The following ZFP64 variants were observed in gnomAD, a reference collection of about 807,000 sequenced individuals.
ZFP64 encodes the protein ZFP64 zinc finger protein, also known as zinc finger protein 64.
Under a neutral mutation model 51.6 loss-of-function variants are expected in ZFP64, and 14 were observed. The observed-to-expected ratio is 0.27, with a 90% CI of 0.18 to 0.42. The LOEUF (loss-of-function observed/expected upper bound fraction) is 0.42. ZFP64 is among the 10% of genes least tolerant of loss of function. ZFP64 has a pLI of 1.00. For missense variants in ZFP64, 754 were observed against 906.8 expected (o/e 0.83, Z 2.16); for synonymous variants, 375 against 361.4 (o/e 1.04, Z -0.43).
chr20:52,165,703 T>C (rs1982203036), intron 3 of ZFP64, 161 bp downstream of exon 3: 1 of 913,058 alleles, frequency 1.1e-6, no homozygotes, highest in East Asian at 2.6e-5. Context: ...CAGTGGGAGA[T>C]AGGTTGTATG....
chr20:52,189,721 G>A lies in ZFP64; in HGVS notation c.46+1870C>T, dbSNP rs566933081. ...ACTCCCGACCTCATGTGATCCGCCC[G>A]CCTCAGCCTCCCAAAGTGCTAGGAT... On this transcript the variant is annotated intron_variant, in intron 1 of 5. Coordinates refer to ENST00000216923, the MANE Select transcript of ZFP64 (RefSeq NM_018197.3). Among the ~76,000 whole-genome samples the A allele has an allele frequency of 1.8e-4, 28 of 151,994 alleles. 1 individual carries two copies. The highest frequency in any genetic ancestry group is 3.2e-4 in the Non-Finnish European group (22 of 68,006).
chr20:52,097,745 C>T (rs949359490), intron 6 of ZFP64, among the ~76,000 whole-genome samples: 1 of 152,114 alleles, frequency 6.6e-6, no homozygotes, highest in Non-Finnish European at 1.5e-5. Context: ...CAGGTGTGAG[C>T]CACCATGCCT....
At chr20:52,149,359 A>G (rs1980679306), downstream of ZFP64, among the ~76,000 whole-genome samples, 1 of 152,024 alleles carries the variant, frequency 6.6e-6, no homozygotes, top group East Asian at 1.9e-4. Flanking sequence ...CTGAAGAATC[A>G]TAATAGCAAG....
intron 5 of ZFP64, among the ~76,000 whole-genome samples, chr20:52,140,581 A>C (rs1371487499): frequency 6.6e-6 from 1 of 152,206 alleles, no homozygotes; most frequent in Non-Finnish European, 1.5e-5. Flanking sequence ...GAGAGAAGTG[A>C]GGAAGCTGCA....
chr20:52,105,043 C>G, intron 5 of ZFP64: 3 of 1,375,128 alleles, frequency 2.2e-6, no homozygotes, highest in Non-Finnish European at 1.9e-6. Context: ...TTTCAGGTCC[C>G]CTGCCCGGTC....
chr20:52,188,818 CA>C (rs1016091903), intron 1 of ZFP64, among the ~76,000 whole-genome samples: 1 of 150,378 alleles, frequency 6.6e-6, no homozygotes, highest in African/African-American at 2.4e-5. Flanking sequence ...TAAAAATAAA[CA>C]AAAAAAATTA....
Position 52,152,118 on chromosome 20 carries a change from TC to T in ZFP64, c.*27del. ...TAAGATTTCTTTTTCTCAATTCCTTTCCCCCACTCCTTTTGTTTTTTTAAGC... is the reference window on the plus strand; with the variant it reads ...TAAGATTTCTTTTTCTCAATTCCTTTCCCCACTCCTTTTGTTTTTTTAAGC... On this transcript the variant is annotated 3_prime_UTR_variant, in exon 6 of 6. Transcript: ENST00000216923. 2.5e-6 allele frequency: 4 copies of T among 1,575,206 alleles called. No homozygotes were observed. Among genetic ancestry groups the T allele is most frequent in the Non-Finnish European group, 3.5e-6 (4 of 1,158,914 alleles).
In ZFP64 at chr20:52,191,324, G is replaced by T. The variant is rs1984350094; in HGVS notation, c.46+267C>A. On this transcript the variant is annotated intron_variant, in intron 1 of 5. Transcript: ENST00000216923. The surrounding 1 kb of genome is among the most constrained non-coding windows in gnomAD (Gnocchi z 4.3). ...GGGGTGGCGATTGTCTGAACGGCGT[G>T]CCCTCCCCCACTGTTCCCTTCCAAG... is the stretch of plus-strand genomic sequence containing the variant. Among the ~76,000 whole-genome samples, 2 of 152,150 alleles carry T rather than the reference G, an allele frequency of 1.3e-5. No individual in the cohort carries two copies.
intron 2 of ZFP64, among the ~76,000 whole-genome samples, chr20:52,177,650 T>C (rs1983327063): frequency 6.6e-6 from 1 of 151,286 alleles, no homozygotes; most frequent in Non-Finnish European, 1.5e-5. Flanking sequence ...CTCCGCACCT[T>C]TGAGCTGCCG....
chr20:52,165,636 A>G (rs1982196516), intron 3 of ZFP64: 2 of 703,732 alleles, frequency 2.8e-6, no homozygotes, highest in South Asian at 1.5e-5. Flanking sequence ...CACGAGTTCC[A>G]CTTCAAAGGC....
At chr20:52,145,202 T>G (rs755825809) in intron 5 of ZFP64, among the ~76,000 whole-genome samples, 4 of 152,226 alleles carry the variant, frequency 2.6e-5, no homozygotes, top group Non-Finnish European at 5.9e-5. Flanking sequence ...GTGTATACAG[T>G]CGTTGCCACT....
At chr20:52,103,174 G>A (rs550143176) in intron 5 of ZFP64, among the ~76,000 whole-genome samples, 3 of 152,314 alleles carry the variant, frequency 2.0e-5, no homozygotes, top group East Asian at 1.9e-4. Flanking sequence ...AGGTTAGCAT[G>A]GCGAGGGTTT....
intron 2 of ZFP64, among the ~76,000 whole-genome samples, chr20:52,167,401 T>G (rs1168367212): frequency 1.4e-5 from 2 of 138,618 alleles, no homozygotes; most frequent in African/African-American, 5.4e-5. Flanking sequence ...AGTCTCAAAT[T>G]TTTTTGTTGT....
At chr20:52,146,584 T>A (rs1467384977), downstream of ZFP64, among the ~76,000 whole-genome samples, 2 of 67,884 alleles carry the variant, frequency 2.9e-5, no homozygotes, top group African/African-American at 6.0e-5. Context: ...TGTTGTGGGG[T>A]GGGGGGAGGG....
chr20:52,170,805 G>T (rs942966046), intron 2 of ZFP64, among the ~76,000 whole-genome samples: 1 of 152,238 alleles, frequency 6.6e-6, no homozygotes, highest in African/African-American at 2.4e-5. Context: ...ACTAGAAACA[G>T]AGCAGTGACT....
chr20:52,186,897 G>GT lies in ZFP64; in HGVS notation c.220dup (p.Thr74AsnfsTer31). The GT allele has an allele frequency of 6.2e-7, 1 of 1,613,996 alleles. No individual in the cohort carries two copies. Among genetic ancestry groups the GT allele is most frequent in the Non-Finnish European group, 8.5e-7 (1 of 1,179,872 alleles). Reference sequence around the variant, plus strand: ...GGTCTGAGTCTGGGTGGCAGGCACTGTTTCCTCCGATACAAACTGGACCGT... The same window carrying GT: ...GGTCTGAGTCTGGGTGGCAGGCACTGTTTTCCTCCGATACAAACTGGACCGT... On this transcript the variant is annotated frameshift_variant, in exon 2 of 6. Coordinates refer to ENST00000216923, the MANE Select transcript of ZFP64 (RefSeq NM_018197.3). LOFTEE classifies it high-confidence loss of function.
rs757751291 is a variant in ZFP64 at position 52,152,480 on chromosome 20, A to G, written c.1712T>C (p.Leu571Pro). The part of the protein sequence containing the change: ...AGAMTQPAVL[L>P]TTHEQTDGAT... ...TCCGTCCGTCTGCTCGTGGGTGGTC[A>G]GCAGGACAGCCGGCTGGGTCATTGC... The change falls in exon 6 of 6, where the codon CTG (leucine) becomes CCG (proline). Residue 571 changes from leucine to proline, a missense_variant. Physicochemically the swap from Leu to Pro is moderately conservative, Grantham distance 98. Transcript: ENST00000216923. 69 of 1,612,296 alleles carry G rather than the reference A, an allele frequency of 4.3e-5. 1 individual carries two copies. The highest frequency in any genetic ancestry group is 8.5e-7 in the Non-Finnish European group (1 of 1,179,392).
intron 5 of ZFP64, among the ~76,000 whole-genome samples, chr20:52,102,722 A>C (rs2079066396): frequency 6.6e-6 from 1 of 152,156 alleles, no homozygotes; most frequent in East Asian, 1.9e-4. Flanking sequence ...TTCCAGTTTT[A>C]CCATTAGCTG....
Position 52,160,033 on chromosome 20 carries a change from T to C in ZFP64, c.763+90A>G. 1 of 1,573,880 alleles carries C rather than the reference T, an allele frequency of 6.4e-7. No homozygotes were observed. Among genetic ancestry groups the C allele is most frequent in the Non-Finnish European group, 8.6e-7 (1 of 1,161,230 alleles). On this transcript the variant is annotated intron_variant, in intron 5 of 5. Coordinates refer to ENST00000216923, the MANE Select transcript of ZFP64 (RefSeq NM_018197.3). This position sits in a 1 kb window ranked among gnomAD's most constrained non-coding sequence, Gnocchi z 4.2. Reference sequence around the variant, plus strand: ...GATGAGCAAAGGTTCCAACTCGATTTCTTACATTGTGGCTGAATGCTTTAA... The same window carrying C: ...GATGAGCAAAGGTTCCAACTCGATTCCTTACATTGTGGCTGAATGCTTTAA...
Sources: gnomAD v4.1 joint callset for allele counts (sites outside exome capture counted in the v4.1 genomes callset) on GRCh38, gnomAD v4.1.1 for gene constraint, Gnocchi (gnomAD v3.1) non-coding constraint, MANE v1.5 for transcripts, NCBI Gene and HGNC (gene_info 2026-07-23, HGNC 2026-07-21) for gene names.